Variants in NXPE4 observed in about 807,000 individuals in gnomAD.
The protein encoded by NXPE4 is NXPE family member 4.
NXPE4 carries 42 observed loss-of-function variants against 33.3 expected under a neutral mutation model. The ratio of observed to expected loss-of-function variants is 1.26; its 90% confidence interval spans 0.98 to 1.63. The LOEUF (loss-of-function observed/expected upper bound fraction) is 1.63, where lower values mean the gene tolerates loss of function less well. Ranked by LOEUF, NXPE4 falls within the 40% of genes most tolerant of loss-of-function variation. The pLI, the probability that NXPE4 is intolerant of heterozygous loss-of-function variation, is 0.00. For missense variants in NXPE4, 709 were observed against 647.6 expected (o/e 1.09, Z -1.03); for synonymous variants, 253 against 234.9 (o/e 1.08, Z -0.71).
the NXPE4 span, among the ~76,000 whole-genome samples, chr11:114,640,482 A>G: frequency 6.6e-6 from 1 of 151,496 alleles, no homozygotes; most frequent in African/African-American, 2.4e-5. Flanking sequence ...AAGTAGTGGG[A>G]TTGCTGCAGT....
At chr11:114,638,503 G>A in the NXPE4 span, among the ~76,000 whole-genome samples, 1 of 151,968 alleles carries the variant, frequency 6.6e-6, no homozygotes, top group Non-Finnish European at 1.5e-5. Context: ...TTCCATTGCT[G>A]GTGAGGAACT....
At chr11:114,606,869 GATA>G in the NXPE4 span, among the ~76,000 whole-genome samples, 2 of 152,038 alleles carry the variant, frequency 1.3e-5, 1 homozygote, top group South Asian at 4.1e-4. Context: ...TTATGCAGTG[GATA>G]ATAAGTATTG....
chr11:114,630,366 C>A, the NXPE4 span, among the ~76,000 whole-genome samples: 2 of 151,720 alleles, frequency 1.3e-5, no homozygotes, highest in South Asian at 2.1e-4. Context: ...AGAAATAACA[C>A]CACATTTCTA....
chr11:114,623,568 G>A, the NXPE4 span, among the ~76,000 whole-genome samples: 4 of 152,034 alleles, frequency 2.6e-5, no homozygotes, highest in East Asian at 7.8e-4. Context: ...TGCCTCATGG[G>A]TAACCACTGT....
chr11:114,617,036 C>T, the NXPE4 span, among the ~76,000 whole-genome samples: 11 of 151,440 alleles, frequency 7.3e-5, no homozygotes, highest in African/African-American at 4.9e-5. Flanking sequence ...TCGTGGGTAA[C>T]CTCTGTTACC....
chr11:114,571,177 G>A lies in NXPE4; in HGVS notation c.1396C>T (p.Pro466Ser). 1 of 1,613,888 alleles carries A rather than the reference G, an allele frequency of 6.2e-7. No homozygotes were observed. Among genetic ancestry groups the A allele is most frequent in the Non-Finnish European group, 8.5e-7 (1 of 1,179,934 alleles). ...GTTTTGATGATAACCATAGTGTCTG[G>A]GCTTCTCAGAAGAAGATGCTGAATG... The part of the protein sequence containing the change: ...KAIQHLLLRS[P>S]DTMVIIKTEN... Residue 466 changes from proline (P) to serine (S), a missense_variant, in exon 6 of 6, where the codon CCA becomes TCA. Transcript: ENST00000375478.
chr11:114,626,221 C>T, the NXPE4 span, among the ~76,000 whole-genome samples: 125 of 152,298 alleles, frequency 8.2e-4, no homozygotes, highest in South Asian at 2.5e-3. Context: ...CCTCTGGGGG[C>T]AGGGCACAGA....
intron 4 of NXPE4, 47 bp from the exon 5 acceptor site, chr11:114,580,385 C>A (rs533028199): frequency 6.5e-7 from 1 of 1,536,268 alleles, no homozygotes; most frequent in South Asian, 1.1e-5. Flanking sequence ...ATCAAATTAC[C>A]CGTCAGTATG....
chr11:114,676,280 C>T, the NXPE4 span, among the ~76,000 whole-genome samples: 2 of 151,836 alleles, frequency 1.3e-5, no homozygotes, highest in Non-Finnish European at 2.9e-5. Flanking sequence ...TTAAAAGCTT[C>T]TGTACTGCAA....
At chr11:114,614,617 T>C in the NXPE4 span, among the ~76,000 whole-genome samples, 29 of 152,096 alleles carry the variant, frequency 1.9e-4, no homozygotes, top group Admixed American at 1.9e-3. Flanking sequence ...GGGTAACCAC[T>C]GTTACCTGGT....
chr11:114,657,124 T>G, the NXPE4 span, among the ~76,000 whole-genome samples: 1 of 152,062 alleles, frequency 6.6e-6, no homozygotes, highest in Non-Finnish European at 1.5e-5. Flanking sequence ...CAAATTACTT[T>G]TAGTTCCGGA....
At position 114,594,657 on chromosome 11, in the gene NXPE4, T is replaced by C; in HGVS notation, c.96+7A>G. On this transcript the variant is annotated splice_region_variant and intron_variant, in intron 2 of 5. Coordinates refer to ENST00000375478, the MANE Select transcript of NXPE4 (RefSeq NM_001077639.2). ...TCTGTAAACCACATAAATAAAGCAT[T>C]TCCTACCTTTGTGGAGTTCTGGAAA... 1 of 1,570,610 alleles carries C rather than the reference T, an allele frequency of 6.4e-7. No homozygotes were observed. The highest frequency in any genetic ancestry group is 8.7e-7 in the Non-Finnish European group (1 of 1,145,224).
At chr11:114,668,010 T>G in the NXPE4 span, among the ~76,000 whole-genome samples, 12 of 151,920 alleles carry the variant, frequency 7.9e-5, no homozygotes, top group East Asian at 2.4e-3. Context: ...TTTGTAACAG[T>G]GAGGTTGAGG....
chr11:114,596,488 G>A (rs1209809775), upstream of NXPE4, among the ~76,000 whole-genome samples: 1 of 152,110 alleles, frequency 6.6e-6, no homozygotes, highest in African/African-American at 2.4e-5. Context: ...CCAGTCTTAT[G>A]TTTTTAAAAA....
chr11:114,676,435 G>A, the NXPE4 span, among the ~76,000 whole-genome samples: 1 of 151,810 alleles, frequency 6.6e-6, no homozygotes, highest in African/African-American at 2.4e-5. Context: ...AATCCAATTA[G>A]AAAATTGGAA....
the NXPE4 span, among the ~76,000 whole-genome samples, chr11:114,654,059 A>G: frequency 6.6e-6 from 1 of 152,190 alleles, no homozygotes; most frequent in African/African-American, 2.4e-5. Flanking sequence ...GGTAATGACA[A>G]TGATACAAAG....
At chr11:114,578,715 A>AG (rs1294690657) in intron 5 of NXPE4, among the ~76,000 whole-genome samples, 1 of 152,158 alleles carries the variant, frequency 6.6e-6, no homozygotes, top group African/African-American at 2.4e-5. Context: ...GGGGTCATAG[A>AG]GGGGTAGACA....
chr11:114,594,641 C>A (rs1278061012), intron 2 of NXPE4, 23 bp downstream of exon 2: 5 of 1,475,968 alleles, frequency 3.4e-6, no homozygotes, highest in South Asian at 2.3e-5. Context: ...TTCTGTAAAC[C>A]ACATAAATAA....
At chr11:114,626,427 A>G in the NXPE4 span, among the ~76,000 whole-genome samples, 1 of 151,974 alleles carries the variant, frequency 6.6e-6, no homozygotes, top group Non-Finnish European at 1.5e-5. Flanking sequence ...CTGACACCTC[A>G]CGTGGCCGGG....
Sources: allele counts gnomAD v4.1 joint callset (sites outside exome capture counted in the v4.1 genomes callset), GRCh38; gene constraint gnomAD v4.1.1; transcripts MANE v1.5; gene names NCBI Gene and HGNC (gene_info 2026-07-23, HGNC 2026-07-21).